The following PLEKHM2 variants were observed in gnomAD, a reference collection of about 807,000 sequenced individuals.
The protein encoded by PLEKHM2 is pleckstrin homology and RUN domain containing M2, also known as pleckstrin homology domain-containing family M member 2.
PLEKHM2 carries 77 observed loss-of-function variants against 116.3 expected under a neutral mutation model. That is an observed-to-expected ratio of 0.66 (90% CI 0.55 to 0.80). PLEKHM2 has a LOEUF of 0.80. Ranked by LOEUF, PLEKHM2 falls within the 30% of genes least tolerant of loss-of-function variation. PLEKHM2 has a pLI of 0.00. For synonymous variants in PLEKHM2, 562 were observed against 571.0 expected, an observed-to-expected ratio of 0.98 and a Z score of 0.22; for missense variants, 1,183 against 1,354.9, an observed-to-expected ratio of 0.87 and a Z score of 1.99.
chr1:15,728,777 G>T lies in PLEKHM2; in HGVS notation c.1986+44G>T. ...GTTGTGCGCCTGCTGTAGGTACAGG[G>T]CTTCTCAAGCCACTTACCCATAGAA... On this transcript the variant is annotated intron_variant, in intron 12 of 19. Transcript: ENST00000375799. The surrounding 1 kb of genome is among the most constrained non-coding windows in gnomAD (Gnocchi z 5.9). 1 of 1,530,352 alleles carries T rather than the reference G, an allele frequency of 6.5e-7. No individual in the cohort carries two copies. Among genetic ancestry groups the T allele is most frequent in the Non-Finnish European group, 8.9e-7 (1 of 1,119,114 alleles). 94.8% of individuals were successfully genotyped at this position (1,530,352 alleles called of 1,614,324 possible). A position where few individuals can be genotyped will look rare whatever the true frequency, so the allele number is the denominator to read the frequency against.
intron 7 of PLEKHM2, 51 bp from the exon 8 acceptor site, chr1:15,725,263 CGGG>C: frequency 4.5e-6 from 6 of 1,347,264 alleles, no homozygotes; most frequent in Non-Finnish European, 6.2e-6. Context: ...CTCTGGGGGT[CGGG>C]GACCCCGGGG....
chr1:15,692,115 C>G (rs1467642040), intron 1 of PLEKHM2, among the ~76,000 whole-genome samples: 1 of 147,552 alleles, frequency 6.8e-6, no homozygotes, highest in East Asian at 2.0e-4. Flanking sequence ...CCTGTCTCGG[C>G]GGGGGAAAAA....
intron 1 of PLEKHM2, among the ~76,000 whole-genome samples, chr1:15,688,428 G>A (rs1418292176): frequency 6.6e-6 from 1 of 151,792 alleles, no homozygotes; most frequent in African/African-American, 2.4e-5. Context: ...AAGGTGGATG[G>A]ATAACTTGAG....
intron 7 of PLEKHM2, among the ~76,000 whole-genome samples, chr1:15,723,715 A>G (rs967434320): frequency 4.1e-5 from 6 of 145,022 alleles, no homozygotes; most frequent in African/African-American, 1.6e-4. Context: ...ACTGCGCTCC[A>G]GTCCGAGCGA....
intron 1 of PLEKHM2, among the ~76,000 whole-genome samples, chr1:15,692,744 ACTTTTT>A (rs1350973141): frequency 2.7e-5 from 4 of 147,880 alleles, no homozygotes; most frequent in African/African-American, 5.0e-5. Context: ...TGCCCCATTC[ACTTTTT>A]CTTTTTTTAA....
At chr1:15,690,335 T>C (rs955263121) in intron 1 of PLEKHM2, among the ~76,000 whole-genome samples, 3 of 152,106 alleles carry the variant, frequency 2.0e-5, no homozygotes, top group Non-Finnish European at 4.4e-5. Flanking sequence ...CAAAGTACAG[T>C]CGTGAGCCAC....
intron 1 of PLEKHM2, among the ~76,000 whole-genome samples, chr1:15,687,763 C>A (rs1186849533): frequency 6.6e-6 from 1 of 152,202 alleles, no homozygotes. Context: ...TTGAGGACAG[C>A]AGTCTTGGGG....
At chr1:15,711,714 C>T (rs1641334899) in intron 1 of PLEKHM2, among the ~76,000 whole-genome samples, 1 of 151,890 alleles carries the variant, frequency 6.6e-6, no homozygotes, top group Non-Finnish European at 1.5e-5. Context: ...TTGACTGCAT[C>T]AAAATTAAAA....
chr1:15,694,629 AG>A (rs1640955130), intron 1 of PLEKHM2, among the ~76,000 whole-genome samples: 2 of 152,116 alleles, frequency 1.3e-5, no homozygotes, highest in Admixed American at 1.3e-4. Flanking sequence ...GGGAGATTAA[AG>A]TTTAGGCCAT....
chr1:15,717,173 C>G (rs1443783029), intron 3 of PLEKHM2, among the ~76,000 whole-genome samples: 1 of 152,100 alleles, frequency 6.6e-6, no homozygotes, highest in South Asian at 2.1e-4. Context: ...TGGCTTGAGC[C>G]CCGGAGTTTG....
chr1:15,732,032 A>C lies in PLEKHM2; in HGVS notation c.2609A>C (p.Gln870Pro). The change falls in exon 17 of 20, where the codon CAG becomes CCG. Residue 870 changes from glutamine (Q) to proline (P), a missense_variant. Around this residue, in one of 3 missense-constraint regions of PLEKHM2, gnomAD observed 594 missense variants for 720.1 expected, o/e 0.82. Coordinates refer to ENST00000375799, the MANE Select transcript of PLEKHM2 (RefSeq NM_015164.4). ...GCCGAGTGGATGCAGCATCTCTGCCAGGCTGTGTCCAAAGGGGTGAGCTTC... is the reference window on the plus strand; with the variant it reads ...GCCGAGTGGATGCAGCATCTCTGCCCGGCTGTGTCCAAAGGGGTGAGCTTC... ...EMAEWMQHLC[Q>P]AVSKGVIPQG... 1 of 1,611,916 alleles carries C rather than the reference A, an allele frequency of 6.2e-7. No individual in the cohort carries two copies. The highest frequency in any genetic ancestry group is 8.5e-7 in the Non-Finnish European group (1 of 1,179,530).
At chr1:15,686,471 G>T (rs61673659) in intron 1 of PLEKHM2, among the ~76,000 whole-genome samples, 2,685 of 151,224 alleles carry the variant, frequency 0.018, 39 homozygotes, top group South Asian at 0.03. Context: ...GTGTTTTTTT[G>T]TTGTTGTTGT....
At chr1:15,716,636 T>C in intron 2 of PLEKHM2, 71 bp from the exon 3 acceptor site, 3 of 1,510,546 alleles carry the variant, frequency 2.0e-6, no homozygotes, top group Non-Finnish European at 2.7e-6. Flanking sequence ...CGCTCACTGC[T>C]GGACCAGCCG....
intron 1 of PLEKHM2, among the ~76,000 whole-genome samples, chr1:15,687,892 G>T (rs888799756): frequency 2.6e-5 from 4 of 152,060 alleles, no homozygotes; most frequent in African/African-American, 9.7e-5. Context: ...CATTTTATAA[G>T]GATTTTACGT....
At chr1:15,691,741 A>G (rs370799492) in intron 1 of PLEKHM2, among the ~76,000 whole-genome samples, 6 of 152,320 alleles carry the variant, frequency 3.9e-5, no homozygotes, top group African/African-American at 1.4e-4. Context: ...GCTGCCTTGC[A>G]TGGTGAACTT....
upstream of PLEKHM2, chr1:15,681,673 G>A (rs560411397): frequency 2.5e-5 from 11 of 444,732 alleles, no homozygotes; most frequent in South Asian, 6.3e-5. Flanking sequence ...AAGGAAGTGC[G>A]CAATTCTGAC....
rs1471215840 is a variant in PLEKHM2, at chr1:15,730,521, C to T, written c.2209-11C>T. 1.9e-6 allele frequency: 3 copies of T among 1,549,238 alleles called. No individual in the cohort carries two copies. Among genetic ancestry groups the T allele is most frequent in the South Asian group, 1.2e-5 (1 of 82,180 alleles). Reference sequence around the variant, plus strand: ...TACTTGCTTTGTCCCCCGTGCCCGCCCCCGCATCAGGCATCTGCTGTCACC... The same window carrying T: ...TACTTGCTTTGTCCCCCGTGCCCGCTCCCGCATCAGGCATCTGCTGTCACC... On this transcript the variant is annotated splice_polypyrimidine_tract_variant and intron_variant, in intron 14 of 19. Coordinates refer to ENST00000375799, the MANE Select transcript of PLEKHM2 (RefSeq NM_015164.4).
chr1:15,692,740 A>C (rs1311001433), intron 1 of PLEKHM2, among the ~76,000 whole-genome samples: 1 of 151,466 alleles, frequency 6.6e-6, no homozygotes, highest in Non-Finnish European at 1.5e-5. Context: ...TCCATGCCCC[A>C]TTCACTTTTT....
intron 1 of PLEKHM2, among the ~76,000 whole-genome samples, chr1:15,700,003 C>A (rs1318440641): frequency 4.0e-5 from 6 of 149,902 alleles, no homozygotes; most frequent in Non-Finnish European, 7.4e-5. Flanking sequence ...AAAAAAAAAA[C>A]AACAAAAATA....
Sources: gnomAD v4.1 joint callset for allele counts (sites outside exome capture counted in the v4.1 genomes callset) on GRCh38, gnomAD v4.1.1 for gene constraint, gnomAD v4.1.1 regional missense constraint, Gnocchi (gnomAD v3.1) non-coding constraint, MANE v1.5 for transcripts, NCBI Gene and HGNC (gene_info 2026-07-23, HGNC 2026-07-21) for gene names.